The following RPS6KA2 variants were observed in gnomAD, a reference collection of about 807,000 sequenced individuals.
RPS6KA2 encodes ribosomal protein S6 kinase A2.
A neutral mutation model predicts 91.8 loss-of-function variants in RPS6KA2; 42 were observed. That is an observed-to-expected ratio of 0.46 (90% CI 0.36 to 0.59). RPS6KA2 has a LOEUF of 0.59. RPS6KA2 is among the 20% of genes least tolerant of loss of function. The pLI is 0.00. For synonymous variants in RPS6KA2, 414 were observed against 393.6 expected, an observed-to-expected ratio of 1.05 and a Z score of -0.61; for missense variants, 798 against 978.5, an observed-to-expected ratio of 0.82 and a Z score of 2.46.
At chr6:166,660,620 G>A (rs1465466592) in intron 2 of RPS6KA2, among the ~76,000 whole-genome samples, 1 of 152,152 alleles carries the variant, frequency 6.6e-6, no homozygotes, top group East Asian at 1.9e-4. Flanking sequence ...AATTAATAGT[G>A]TAATCACAAA....
intron 1 of RPS6KA2, among the ~76,000 whole-genome samples, chr6:166,860,293 GA>G (rs1254748759): frequency 5.3e-5 from 8 of 152,122 alleles, no homozygotes; most frequent in African/African-American, 1.7e-4. Flanking sequence ...TAAGAAGCCT[GA>G]AAAAAATTTA....
At chr6:166,540,918 T>C (rs543951373) in intron 1 of RPS6KA2, among the ~76,000 whole-genome samples, 1 of 152,348 alleles carries the variant, frequency 6.6e-6, no homozygotes, top group Admixed American at 6.5e-5. Flanking sequence ...GAAACATGTA[T>C]GCTATCTTTT....
chr6:166,657,936 T>G (rs1361027609), intron 2 of RPS6KA2, among the ~76,000 whole-genome samples: 1 of 152,128 alleles, frequency 6.6e-6, no homozygotes, highest in Non-Finnish European at 1.5e-5. Context: ...CAGGCTGGAG[T>G]GCAGTGGCGA....
intron 2 of RPS6KA2, among the ~76,000 whole-genome samples, chr6:166,793,389 G>A (rs1434910878): frequency 6.7e-6 from 1 of 149,504 alleles, no homozygotes; most frequent in African/African-American, 2.5e-5. Flanking sequence ...CCATGCTCAT[G>A]GGTAGGAAGA....
At chr6:166,667,934 T>C (rs1001052934) in intron 2 of RPS6KA2, among the ~76,000 whole-genome samples, 1 of 152,064 alleles carries the variant, frequency 6.6e-6, no homozygotes, top group Non-Finnish European at 1.5e-5. Context: ...GCCTGCGTCG[T>C]TGGTAGAAAG....
intron 1 of RPS6KA2, among the ~76,000 whole-genome samples, chr6:166,540,547 A>G (rs569848464): frequency 2.8e-4 from 42 of 152,336 alleles, no homozygotes; most frequent in African/African-American, 9.4e-4. Flanking sequence ...AAGATACAGA[A>G]TTACAATTTT....
chr6:166,620,264 T>A (rs993841527), intron 1 of RPS6KA2, among the ~76,000 whole-genome samples: 2 of 152,240 alleles, frequency 1.3e-5, no homozygotes, highest in African/African-American at 4.8e-5. Context: ...AATACCTAAG[T>A]ACTAATCTTT....
At chr6:166,684,755 G>A (rs1470290300) in intron 2 of RPS6KA2, among the ~76,000 whole-genome samples, 2 of 152,094 alleles carry the variant, frequency 1.3e-5, no homozygotes, top group East Asian at 1.9e-4. Context: ...AGCCTACATC[G>A]CTTTTACCTC....
intron 2 of RPS6KA2, among the ~76,000 whole-genome samples, chr6:166,816,536 CAG>C (rs1195771030): frequency 3.4e-5 from 5 of 149,198 alleles, no homozygotes; most frequent in Non-Finnish European, 7.4e-5. Flanking sequence ...GCCTGGGTGA[CAG>C]AGCAAGACTC....
intron 1 of RPS6KA2, among the ~76,000 whole-genome samples, chr6:166,617,889 C>T (rs1449270782): frequency 2.0e-5 from 3 of 152,226 alleles, no homozygotes; most frequent in Non-Finnish European, 4.4e-5. Flanking sequence ...CAAGCTTCAC[C>T]AGCATTTTTA....
chr6:166,412,537 T>G lies in RPS6KA2; in HGVS notation c.*225A>C. On this transcript the variant is annotated 3_prime_UTR_variant, in exon 21 of 21. Coordinates refer to ENST00000265678, the MANE Select transcript of RPS6KA2 (RefSeq NM_021135.6). This position sits in a 1 kb window ranked among gnomAD's most constrained non-coding sequence, Gnocchi z 4.3. Reference sequence around the variant, plus strand: ...GTGAAGGGGCGCATTTGGTTTCGCTTGGGAGAAAAGAGAGCGGGCGGGGAG... The same window carrying G: ...GTGAAGGGGCGCATTTGGTTTCGCTGGGGAGAAAAGAGAGCGGGCGGGGAG... 9.8e-6 allele frequency: 4 copies of G among 408,700 alleles called. No homozygotes were observed. The highest frequency in any genetic ancestry group is 1.3e-5 in the Non-Finnish European group (3 of 231,078). 25.3% of individuals were successfully genotyped at this position (408,700 alleles called of 1,614,324 possible).
At chr6:166,538,932 G>GTTTTTT (rs1338843658) in intron 1 of RPS6KA2, 148 bp from the exon 2 acceptor site, 9 of 493,066 alleles carry the variant, frequency 1.8e-5, no homozygotes, top group African/African-American at 7.9e-5. Flanking sequence ...ATTTAGTTGT[G>GTTTTTT]TTTTTTTCTT....
intron 2 of RPS6KA2, among the ~76,000 whole-genome samples, chr6:166,762,230 C>T (rs549672721): frequency 6.6e-6 from 1 of 152,334 alleles, no homozygotes; most frequent in South Asian, 2.1e-4. Flanking sequence ...CTCCCTCAGT[C>T]TCCCCACATT....
chr6:166,849,664 T>C lies in RPS6KA2; in HGVS notation c.123+8536A>G, dbSNP rs1250108584. On this transcript the variant is annotated intron_variant, in intron 2 of 21. Transcript: ENST00000503859. This position sits in a 1 kb window ranked among gnomAD's most constrained non-coding sequence, Gnocchi z 4.9. ...ACTTGGAGATAGGCATTTATTGGGC[T>C]AAATCCTCACGTAGAATGAGCTTTC... 1.3e-5 allele frequency among the ~76,000 whole-genome samples: 2 copies of C among 152,212 alleles called. No homozygotes were observed. Among genetic ancestry groups the C allele is most frequent in the Non-Finnish European group, 2.9e-5 (2 of 68,048 alleles).
At chr6:166,451,934 T>C (rs527884801) in intron 12 of RPS6KA2, among the ~76,000 whole-genome samples, 9 of 152,320 alleles carry the variant, frequency 5.9e-5, no homozygotes, top group African/African-American at 1.4e-4. Context: ...AAAATCTGCA[T>C]CATACATAAC....
Position 166,504,561 on chromosome 6 carries a change from C to A in RPS6KA2, c.511G>T (p.Ala171Ser). 1 of 1,613,974 alleles carries A rather than the reference C, an allele frequency of 6.2e-7. No homozygotes were observed. Among genetic ancestry groups the A allele is most frequent in the Non-Finnish European group, 8.5e-7 (1 of 1,179,924 alleles). Residue 171 changes from alanine (A) to serine (S), a missense_variant, in exon 6 of 21, where the codon GCT (alanine) becomes TCT (serine). By Grantham distance (99) the Ala-to-Ser change is moderately conservative. Transcript: ENST00000265678. ...VKFYLAELALALDHLHSLGII... is the reference protein window; with the variant it reads ...VKFYLAELALSLDHLHSLGII... ...CCCAGGCTGTGGAGATGGTCTAAAG[C>A]CAAGGCCAGCTCAGCCAGGTAGAAC...
intron 1 of RPS6KA2, among the ~76,000 whole-genome samples, chr6:166,558,740 G>C (rs1336331054): frequency 3.3e-5 from 5 of 152,118 alleles, no homozygotes; most frequent in Admixed American, 3.3e-4. Flanking sequence ...AGTAGTGAGG[G>C]ATCCGAGAGG....
At chr6:166,753,336 C>A (rs996740422) in intron 2 of RPS6KA2, among the ~76,000 whole-genome samples, 3 of 152,146 alleles carry the variant, frequency 2.0e-5, no homozygotes, top group Non-Finnish European at 4.4e-5. Flanking sequence ...TCACTAAACT[C>A]CTTAAAAATA....
chr6:166,714,701 C>T (rs1426692759), intron 2 of RPS6KA2, among the ~76,000 whole-genome samples: 1 of 152,224 alleles, frequency 6.6e-6, no homozygotes, highest in Non-Finnish European at 1.5e-5. Flanking sequence ...GGGCCTGGAA[C>T]AGGCTGTCCC....
Sources: gnomAD v4.1 joint callset for allele counts (sites outside exome capture counted in the v4.1 genomes callset) on GRCh38, gnomAD v4.1.1 for gene constraint, Gnocchi (gnomAD v3.1) non-coding constraint, MANE v1.5 for transcripts, NCBI Gene and HGNC (gene_info 2026-07-23, HGNC 2026-07-21) for gene names.